SMARCC1: variants seen among roughly 807,000 people sequenced by gnomAD.
The protein encoded by SMARCC1 is SWI/SNF complex subunit SMARCC1.
Under a neutral mutation model 147.4 loss-of-function variants are expected in SMARCC1, and 43 were observed. That is an observed-to-expected ratio of 0.29 (90% CI 0.23 to 0.38). The LOEUF (loss-of-function observed/expected upper bound fraction) is 0.38, where lower values mean the gene tolerates loss of function less well. SMARCC1 is among the 10% of genes least tolerant of loss of function. SMARCC1 has a pLI of 1.00. For synonymous variants in SMARCC1, 495 were observed against 484.4 expected, an observed-to-expected ratio of 1.02 and a Z score of -0.29; for missense variants, 1,119 against 1,381.1, an observed-to-expected ratio of 0.81 and a Z score of 3.01.
chr3:47,781,578 G>A (rs1007731518), intron 1 of SMARCC1, 25 bp downstream of exon 1: 2 of 1,486,664 alleles, frequency 1.3e-6, no homozygotes, highest in Non-Finnish European at 1.8e-6. Flanking sequence ...GTGGTCTCCC[G>A]GCCCCCACGG....
intron 14 of SMARCC1, among the ~76,000 whole-genome samples, chr3:47,685,576 CGAGCCAGGCGCG>C (rs2033710550): frequency 6.6e-6 from 1 of 150,566 alleles, no homozygotes; most frequent in Non-Finnish European, 1.5e-5. Flanking sequence ...AAAAAAAATT[CGAGCCAGGCGCG>C]GTGGCTCACG....
At chr3:47,725,445 T>C (rs1309088968) in intron 6 of SMARCC1, among the ~76,000 whole-genome samples, 1 of 151,900 alleles carries the variant, frequency 6.6e-6, no homozygotes, top group East Asian at 1.9e-4. Context: ...CACTTTATTA[T>C]TATTATATAT....
At chr3:47,702,611 A>C (rs2033937500) in intron 10 of SMARCC1, among the ~76,000 whole-genome samples, 1 of 152,122 alleles carries the variant, frequency 6.6e-6, no homozygotes, top group South Asian at 2.1e-4. Flanking sequence ...AAAAAATTTA[A>C]ATTTTAAGAC....
At chr3:47,710,083 A>G (rs1177984120) in intron 9 of SMARCC1, among the ~76,000 whole-genome samples, 1 of 152,020 alleles carries the variant, frequency 6.6e-6, no homozygotes, top group Non-Finnish European at 1.5e-5. Flanking sequence ...TTGAGAGGCC[A>G]AGGCAGGCTG....
intron 27 of SMARCC1, among the ~76,000 whole-genome samples, chr3:47,590,146 G>A (rs1283173562): frequency 1.3e-5 from 2 of 152,194 alleles, no homozygotes; most frequent in Non-Finnish European, 2.9e-5. Flanking sequence ...GAGCTTGCTG[G>A]AACTTCGTAT....
At chr3:47,770,218 A>G (rs1038283287) in intron 2 of SMARCC1, among the ~76,000 whole-genome samples, 8 of 151,796 alleles carry the variant, frequency 5.3e-5, no homozygotes, top group Non-Finnish European at 8.8e-5. Flanking sequence ...ACAGAGTGAG[A>G]CTGTCTCAAA....
chr3:47,738,051 T>C lies in SMARCC1; in HGVS notation c.461A>G (p.Asn154Ser), dbSNP rs954945248. Residue 154 changes from asparagine to serine, a missense_variant, in exon 4 of 28, where the codon AAC (asparagine) becomes AGC (serine). Physicochemically the swap from Asn to Ser is conservative, Grantham distance 46. This residue lies in a region of SMARCC1 where 542 missense variants were observed against 611.8 expected (regional missense o/e 0.89). Transcript: ENST00000254480. ...TACCTGCACCAATGTTTTTTCAATG[T>C]TCATAAACATTTCCACATTACGATC... ...RMDRNVEMFM[N>S]IEKTLVQNNC... is the part of the protein sequence containing the mutation. The C allele has an allele frequency of 1.9e-6, 3 of 1,601,370 alleles. No homozygotes were observed. Among genetic ancestry groups the C allele is most frequent in the Non-Finnish European group, 2.6e-6 (3 of 1,174,538 alleles).
chr3:47,635,267 C>T lies in SMARCC1; in HGVS notation c.2569G>A (p.Val857Ile). ...TTTCCTTCGGAAATTTCATGTTCTA[C>T]TTTCTTCTTCCCAGTATCACTTTCT... The part of the protein sequence containing the change: ...ERESDTGKKK[V>I]EHEISEGNVA... The change falls in exon 24 of 28, where the codon GTA (valine) becomes ATA (isoleucine). Residue 857 changes from valine (V) to isoleucine (I), a missense_variant. Val to Ile is a conservative substitution (Grantham distance 29). This residue lies in a region of SMARCC1 where 157 missense variants were observed against 158.6 expected (regional missense o/e 0.99). Coordinates refer to ENST00000254480, the MANE Select transcript of SMARCC1 (RefSeq NM_003074.4). The T allele has an allele frequency of 1.9e-6, 3 of 1,613,524 alleles. No homozygotes were observed. The highest frequency in any genetic ancestry group is 2.2e-5 in the South Asian group (2 of 91,062).
At chr3:47,660,351 C>T (rs1203782270) in intron 21 of SMARCC1, among the ~76,000 whole-genome samples, 2 of 146,082 alleles carry the variant, frequency 1.4e-5, no homozygotes, top group African/African-American at 5.1e-5. Context: ...GAGGCTGAAG[C>T]AGGAAAATGG....
chr3:47,670,738 A>T (rs2106748162), intron 18 of SMARCC1, 21 bp from the exon 19 acceptor site: 1 of 1,482,110 alleles, frequency 6.7e-7, no homozygotes, highest in East Asian at 2.3e-5. Flanking sequence ...AAAATCAGAA[A>T]TTATTTGCTC....
chr3:47,613,477 A>G (rs1433219711), intron 25 of SMARCC1, among the ~76,000 whole-genome samples: 1 of 149,322 alleles, frequency 6.7e-6, no homozygotes. Flanking sequence ...CTCCTCCCTC[A>G]GCCTCCCAAG....
At chr3:47,610,828 A>C (rs905329200) in intron 25 of SMARCC1, 1 of 161,024 alleles carries the variant, frequency 6.2e-6, no homozygotes, top group Non-Finnish European at 1.4e-5. Flanking sequence ...ACCAGAGTTA[A>C]ATTACTCTGC....
At chr3:47,590,286 G>A (rs189900362) in intron 27 of SMARCC1, among the ~76,000 whole-genome samples, 85 of 152,206 alleles carry the variant, frequency 5.6e-4, no homozygotes, top group Admixed American at 5.5e-3. Context: ...TTCTTTACAC[G>A]CATCACTTTT....
intron 2 of SMARCC1, among the ~76,000 whole-genome samples, chr3:47,748,658 A>G (rs2034594053): frequency 6.6e-6 from 1 of 152,232 alleles, no homozygotes; most frequent in African/African-American, 2.4e-5. Flanking sequence ...AATGGTGAAT[A>G]ATTTCCACAT....
At chr3:47,731,791 T>C (rs2034377344) in intron 5 of SMARCC1, among the ~76,000 whole-genome samples, 2 of 152,316 alleles carry the variant, frequency 1.3e-5, no homozygotes, top group South Asian at 4.1e-4. Context: ...TAAACCATAC[T>C]GTAAATAGAT....
chr3:47,693,639 A>T (rs959788687), intron 11 of SMARCC1, among the ~76,000 whole-genome samples: 4 of 151,990 alleles, frequency 2.6e-5, no homozygotes, highest in South Asian at 2.1e-4. Context: ...TCATTCTTTT[A>T]AAAAAAATTA....
intron 7 of SMARCC1, among the ~76,000 whole-genome samples, chr3:47,716,518 T>C (rs1381631904): frequency 6.6e-6 from 1 of 152,008 alleles, no homozygotes; most frequent in Non-Finnish European, 1.5e-5. Context: ...AGTTAATTTT[T>C]AAAAAGTGAA....
intron 26 of SMARCC1, among the ~76,000 whole-genome samples, chr3:47,598,862 G>GACACACACACACACACAC (rs113400730): frequency 1.6e-5 from 2 of 128,132 alleles, no homozygotes; most frequent in Admixed American, 8.6e-5. Flanking sequence ...GAGAGAGAGA[G>GACACACACACACACACAC]ACACACACAC....
chr3:47,598,575 A>G (rs1395939922), intron 26 of SMARCC1, among the ~76,000 whole-genome samples: 2 of 152,060 alleles, frequency 1.3e-5, no homozygotes, highest in African/African-American at 4.8e-5. Flanking sequence ...CATGCCTGTA[A>G]TCCCAGTACT....
Sources: gnomAD v4.1 joint callset for allele counts (sites outside exome capture counted in the v4.1 genomes callset) on GRCh38, gnomAD v4.1.1 for gene constraint, gnomAD v4.1.1 regional missense constraint, MANE v1.5 for transcripts, NCBI Gene and HGNC (gene_info 2026-07-23, HGNC 2026-07-21) for gene names.